The following SLX4IP variants were observed in gnomAD, a reference collection of about 807,000 sequenced individuals.
SLX4IP encodes SLX4 interacting protein, also known as protein SLX4IP.
Under a neutral mutation model 32.9 loss-of-function variants are expected in SLX4IP, and 34 were observed. That is an observed-to-expected ratio of 1.03 (90% confidence interval 0.79 to 1.38). SLX4IP has a LOEUF of 1.38. SLX4IP is among the 40% of genes most tolerant of loss of function. SLX4IP has a pLI of 0.00. For missense variants in SLX4IP, 444 were observed against 479.0 expected, an observed-to-expected ratio of 0.93 and a Z score of 0.68; for synonymous variants, 172 against 171.7, an observed-to-expected ratio of 1.00 and a Z score of -0.01.
intron 6 of SLX4IP, among the ~76,000 whole-genome samples, chr20:10,612,469 A>G (rs977786925): frequency 6.6e-6 from 1 of 152,212 alleles, no homozygotes; most frequent in African/African-American, 2.4e-5. Context: ...AAGCAGTAAC[A>G]TTTTGAATAT....
At position 10,549,900 on chromosome 20, in the gene SLX4IP, C is replaced by T. The variant is rs545708653; in HGVS notation, c.28-6331C>T. ...TTAATCACATCACTATAAAATTTTGCATTGTAAGATATATGCAGTTTGTGG... is the reference window on the plus strand; with the variant it reads ...TTAATCACATCACTATAAAATTTTGTATTGTAAGATATATGCAGTTTGTGG... On this transcript the variant is annotated intron_variant, in intron 2 of 7. Coordinates refer to ENST00000334534, the MANE Select transcript of SLX4IP (RefSeq NM_001009608.3). Among the ~76,000 whole-genome samples the T allele has an allele frequency of 4.4e-4, 67 of 152,260 alleles. No individual in the cohort carries two copies. In the South Asian group the frequency reaches 0.014, roughly 31 times the overall value.
Position 10,601,735 on chromosome 20 carries a change from C to A in SLX4IP, c.321C>A (p.Leu107=). 1 of 1,613,700 alleles carries A rather than the reference C, an allele frequency of 6.2e-7. No homozygotes were observed. The highest frequency in any genetic ancestry group is 8.5e-7 in the Non-Finnish European group (1 of 1,179,710). The part of the protein sequence containing the change: ...RCIRSTQNAE[L]CVFPDRFVVC... ...GTTTTTCTTCATTTTATACAGAACT[C>A]TGTGTATTCCCTGACAGATTTGTGG... The change falls in exon 6 of 8, where the codon CTC becomes CTA. Residue 107 remains leucine (L), a synonymous_variant. Coordinates refer to ENST00000334534, the MANE Select transcript of SLX4IP (RefSeq NM_001009608.3).
chr20:10,579,864 G>A (rs1167598301), intron 4 of SLX4IP, among the ~76,000 whole-genome samples: 1 of 151,918 alleles, frequency 6.6e-6, no homozygotes, highest in Non-Finnish European at 1.5e-5. Flanking sequence ...GGTCAAAGCT[G>A]GCATTTACTA....
intron 4 of SLX4IP, among the ~76,000 whole-genome samples, chr20:10,571,107 A>G (rs181118685): frequency 1.0e-3 from 154 of 152,302 alleles, no homozygotes; most frequent in African/African-American, 3.5e-3. Flanking sequence ...TGTTGGGATT[A>G]CAGACGTGAG....
chr20:10,614,614 C>CT (rs1259460186), intron 6 of SLX4IP, among the ~76,000 whole-genome samples: 5 of 152,166 alleles, frequency 3.3e-5, no homozygotes, highest in African/African-American at 1.2e-4. Context: ...GGAGAGCTGG[C>CT]TGCAAGTCAC....
At chr20:10,486,202 T>A (rs1041723657) in intron 2 of SLX4IP, among the ~76,000 whole-genome samples, 6 of 145,452 alleles carry the variant, frequency 4.1e-5, no homozygotes, top group African/African-American at 1.2e-4. Flanking sequence ...TTTTTTTTTT[T>A]ACTAGGTAGG....
intron 2 of SLX4IP, among the ~76,000 whole-genome samples, chr20:10,507,553 A>C (rs1183508987): frequency 6.6e-6 from 1 of 152,086 alleles, no homozygotes; most frequent in East Asian, 1.9e-4. Flanking sequence ...ACTTACCCTG[A>C]GGACCAAAAA....
chr20:10,469,848 C>T (rs1314215196), intron 2 of SLX4IP, among the ~76,000 whole-genome samples: 1 of 152,194 alleles, frequency 6.6e-6, no homozygotes, highest in Non-Finnish European at 1.5e-5. Context: ...TGTATGTGCA[C>T]ACTTGCATCC....
chr20:10,541,688 T>C (rs2066108526), intron 2 of SLX4IP, among the ~76,000 whole-genome samples: 2 of 152,072 alleles, frequency 1.3e-5, no homozygotes, highest in Non-Finnish European at 2.9e-5. Context: ...GTCACCCTTG[T>C]TAAATAAGAT....
chr20:10,625,585 T>A lies in SLX4IP; in HGVS notation c.*2206T>A, dbSNP rs1402495869. On this transcript the variant is annotated 3_prime_UTR_variant, in exon 8 of 8. Transcript: ENST00000334534. ...CTAACCTGGGCTTGGTGGTTAAGGC[T>A]AGTACTTGTACTTAGAATGATTCTC... The A allele has an allele frequency of 6.6e-6, 1 of 152,254 alleles. No individual in the cohort carries two copies. The highest frequency in any genetic ancestry group is 1.5e-5 in the Non-Finnish European group (1 of 68,050). 9.4% of individuals were successfully genotyped at this position (152,254 alleles called of 1,614,324 possible).
chr20:10,521,022 A>G (rs2065897499), intron 2 of SLX4IP, among the ~76,000 whole-genome samples: 2 of 152,194 alleles, frequency 1.3e-5, no homozygotes, highest in African/African-American at 2.4e-5. Context: ...ACACATTTTT[A>G]TAGAAATTCC....
chr20:10,555,074 C>G (rs1358435164), intron 2 of SLX4IP, among the ~76,000 whole-genome samples: 3 of 151,884 alleles, frequency 2.0e-5, no homozygotes, highest in African/African-American at 7.3e-5. Context: ...TGTGATCCAT[C>G]TCAAATTAAA....
chr20:10,499,161 A>G (rs1184093133), intron 2 of SLX4IP, among the ~76,000 whole-genome samples: 2 of 152,256 alleles, frequency 1.3e-5, no homozygotes, highest in Middle Eastern at 3.4e-3. Flanking sequence ...CAGATTTTCA[A>G]CTTTAATTCT....
At chr20:10,558,906 C>T (rs774773630) in intron 3 of SLX4IP, among the ~76,000 whole-genome samples, 6 of 152,172 alleles carry the variant, frequency 3.9e-5, no homozygotes, top group African/African-American at 7.2e-5. Flanking sequence ...ACCTTGCATT[C>T]GTCAAACTGA....
chr20:10,619,186 T>C lies in SLX4IP; in HGVS notation c.406-2128T>C, dbSNP rs547572993. On this transcript the variant is annotated intron_variant, in intron 6 of 7. Coordinates refer to ENST00000334534, the MANE Select transcript of SLX4IP (RefSeq NM_001009608.3). ...GGGAGACCCCGCCTTGCTTTTCTCT[T>C]TCTTTTTTTCTTTTTCTTTTCTTTT... is the stretch of plus-strand genomic sequence containing the variant. Among the ~76,000 whole-genome samples, 20 of 151,916 alleles carry C rather than the reference T, an allele frequency of 1.3e-4. No homozygotes were observed. In the South Asian group the frequency reaches 4.2e-3, roughly 32 times the overall value.
chr20:10,485,549 G>A (rs1235928669), intron 2 of SLX4IP, among the ~76,000 whole-genome samples: 1 of 151,624 alleles, frequency 6.6e-6, no homozygotes, highest in African/African-American at 2.4e-5. Context: ...CCCAGGAGGT[G>A]GAGTTTGCAT....
chr20:10,621,360 C>T lies in SLX4IP; in HGVS notation c.452C>T (p.Ala151Val). ...HGVSDYFAEC[A>V]ESSLPPSAKL... ...GTGTCTGATTACTTTGCTGAGTGTG[C>T]AGAGAGTTCACTTCCTCCCAGTGCA... The change falls in exon 7 of 8, where the codon GCA (alanine) becomes GTA (valine). Residue 151 changes from alanine to valine, a missense_variant. Ala to Val is a moderately conservative substitution (Grantham distance 64). Transcript: ENST00000334534. The T allele has an allele frequency of 4.3e-6, 7 of 1,614,162 alleles. No individual in the cohort carries two copies. The highest frequency in any genetic ancestry group is 5.9e-6 in the Non-Finnish European group (7 of 1,180,014).
chr20:10,463,193 ATTAAC>A (rs1396187515), intron 2 of SLX4IP, among the ~76,000 whole-genome samples: 3 of 152,228 alleles, frequency 2.0e-5, no homozygotes, highest in African/African-American at 7.2e-5. Context: ...AGAGACAGAA[ATTAAC>A]TTGTAAATGA....
At chr20:10,457,746 T>C (rs2065298691) in intron 1 of SLX4IP, among the ~76,000 whole-genome samples, 1 of 152,176 alleles carries the variant, frequency 6.6e-6, no homozygotes, top group African/African-American at 2.4e-5. Flanking sequence ...ATGCTTCTGT[T>C]TTTTTAAAGA....
Sources: gnomAD v4.1 joint callset for allele counts (sites outside exome capture counted in the v4.1 genomes callset) on GRCh38, gnomAD v4.1.1 for gene constraint, MANE v1.5 for transcripts, NCBI Gene and HGNC (gene_info 2026-07-23, HGNC 2026-07-21) for gene names.